EBF1: variants seen among roughly 807,000 people sequenced by gnomAD.
EBF1 encodes EBF transcription factor 1, also known as transcription factor COE1.
In EBF1, 10 loss-of-function variants were observed where a neutral mutation model predicts 68.4. That is an observed-to-expected ratio of 0.15 (90% CI 0.09 to 0.25). The LOEUF is 0.25. Among genes scored for constraint, EBF1 ranks in the 10% least tolerant of loss-of-function variants. The pLI is 1.00. For missense variants in EBF1, 509 were observed against 794.4 expected, an observed-to-expected ratio of 0.64 and a Z score of 4.32; for synonymous variants, 298 against 299.8, an observed-to-expected ratio of 0.99 and a Z score of 0.06.
At chr5:158,865,212 C>T (rs1436787833) in intron 6 of EBF1, among the ~76,000 whole-genome samples, 4 of 152,134 alleles carry the variant, frequency 2.6e-5, no homozygotes, top group Non-Finnish European at 4.4e-5. Flanking sequence ...TTTCCAAATA[C>T]TCTCTGATTA....
At chr5:158,791,143 AC>A (rs1581916542) in intron 9 of EBF1, among the ~76,000 whole-genome samples, 1 of 151,772 alleles carries the variant, frequency 6.6e-6, no homozygotes, top group Non-Finnish European at 1.5e-5. Flanking sequence ...ACACGGCAAA[AC>A]CCCGTCTCTA....
intron 6 of EBF1, among the ~76,000 whole-genome samples, chr5:158,934,614 G>C (rs9313796): frequency 0.86 from 130,521 of 152,278 alleles, 56,253 homozygotes; most frequent in East Asian, 0.96. Flanking sequence ...AGAGTACAGA[G>C]TCTGGCACTG....
intron 6 of EBF1, among the ~76,000 whole-genome samples, chr5:158,877,166 A>G (rs1797964532): frequency 6.6e-6 from 1 of 152,180 alleles, no homozygotes; most frequent in African/African-American, 2.4e-5. Context: ...TCCAAGCCCA[A>G]CTCTGAGAAG....
At chr5:158,827,782 T>C (rs955863768) in intron 7 of EBF1, among the ~76,000 whole-genome samples, 3 of 152,208 alleles carry the variant, frequency 2.0e-5, no homozygotes, top group African/African-American at 7.2e-5. Context: ...GAAGGGGTTA[T>C]GACAAAAGCA....
intron 6 of EBF1, among the ~76,000 whole-genome samples, chr5:158,895,012 T>C (rs528852907): frequency 2.1e-3 from 326 of 152,328 alleles, no homozygotes; most frequent in Non-Finnish European, 3.6e-3. Context: ...AATATGAACA[T>C]TAAATAGGAC....
At chr5:158,747,489 A>T (rs895226313) in intron 10 of EBF1, among the ~76,000 whole-genome samples, 1 of 152,152 alleles carries the variant, frequency 6.6e-6, no homozygotes, top group East Asian at 1.9e-4. Context: ...CATATACATG[A>T]TCTATCTCCT....
chr5:158,764,498 G>A (rs967187851), intron 10 of EBF1, among the ~76,000 whole-genome samples: 3 of 152,110 alleles, frequency 2.0e-5, no homozygotes, highest in Non-Finnish European at 2.9e-5. Context: ...AATATTTATT[G>A]CATCTCACTC....
At chr5:158,767,965 T>C (rs1156311420) in intron 10 of EBF1, among the ~76,000 whole-genome samples, 2 of 152,086 alleles carry the variant, frequency 1.3e-5, no homozygotes, top group African/African-American at 4.8e-5. Flanking sequence ...ACGTGGTGGG[T>C]CCCGGGAAGC....
At chr5:158,750,585 G>C (rs1248108393) in intron 10 of EBF1, among the ~76,000 whole-genome samples, 1 of 152,008 alleles carries the variant, frequency 6.6e-6, no homozygotes, top group Non-Finnish European at 1.5e-5. Context: ...AGATACAAGA[G>C]CTTTAATATT....
At chr5:158,960,096 G>C (rs1337163678) in intron 6 of EBF1, among the ~76,000 whole-genome samples, 4 of 152,188 alleles carry the variant, frequency 2.6e-5, no homozygotes, top group Admixed American at 1.3e-4. Context: ...TCTGAACTGA[G>C]GGGGAAGGAA....
chr5:159,025,891 G>C (rs1767628831), intron 6 of EBF1, among the ~76,000 whole-genome samples: 1 of 152,140 alleles, frequency 6.6e-6, no homozygotes, highest in Non-Finnish European at 1.5e-5. Flanking sequence ...GCAACAACTT[G>C]GTGATTTTCT....
At chr5:159,046,185 C>G (rs1020098956) in intron 6 of EBF1, among the ~76,000 whole-genome samples, 1 of 152,232 alleles carries the variant, frequency 6.6e-6, no homozygotes, top group African/African-American at 2.4e-5. Context: ...GCCCCTGACA[C>G]TCTGTCCCAC....
intron 6 of EBF1, among the ~76,000 whole-genome samples, chr5:158,908,810 C>T (rs187980710): frequency 4.6e-5 from 7 of 152,346 alleles, no homozygotes; most frequent in African/African-American, 1.4e-4. Context: ...ATACTGAGAA[C>T]CAGGACGGGT....
At chr5:158,836,534 TGAA>T (rs1788846558) in intron 7 of EBF1, among the ~76,000 whole-genome samples, 1 of 152,078 alleles carries the variant, frequency 6.6e-6, no homozygotes, top group African/African-American at 2.4e-5. Flanking sequence ...AGAAAAAGAC[TGAA>T]GAAGAAAAAA....
chr5:158,731,266 A>G (rs1431518449), intron 10 of EBF1, 109 bp from the exon 11 acceptor site: 10 of 985,880 alleles, frequency 1.0e-5, no homozygotes, highest in Non-Finnish European at 1.4e-5. Context: ...TTTAACTGAT[A>G]CTTTTGAATT....
intron 6 of EBF1, among the ~76,000 whole-genome samples, chr5:158,959,668 T>C (rs975312159): frequency 6.6e-6 from 1 of 152,020 alleles, no homozygotes; most frequent in Non-Finnish European, 1.5e-5. Context: ...TATATATGTA[T>C]GTATATATAT....
chr5:158,857,911 A>T (rs915065286), intron 6 of EBF1, among the ~76,000 whole-genome samples: 4 of 152,194 alleles, frequency 2.6e-5, no homozygotes, highest in African/African-American at 9.7e-5. Flanking sequence ...AATCACTAAT[A>T]TTCAATCTCT....
chr5:158,875,792 A>G (rs1797712348), intron 6 of EBF1, among the ~76,000 whole-genome samples: 1 of 152,228 alleles, frequency 6.6e-6, no homozygotes, highest in Non-Finnish European at 1.5e-5. Flanking sequence ...CCTGCCTCCT[A>G]TTTACATATA....
At chr5:158,756,696 C>T (rs1334717769) in intron 10 of EBF1, among the ~76,000 whole-genome samples, 1 of 151,276 alleles carries the variant, frequency 6.6e-6, no homozygotes, top group Non-Finnish European at 1.5e-5. Flanking sequence ...CCCCAGTAAA[C>T]ATTTAATAAA....
Sources: gnomAD v4.1 joint callset for allele counts (sites outside exome capture counted in the v4.1 genomes callset) on GRCh38, gnomAD v4.1.1 for gene constraint, MANE v1.5 for transcripts, NCBI Gene and HGNC (gene_info 2026-07-23, HGNC 2026-07-21) for gene names.